Variants in PXDNL observed in about 807,000 individuals in gnomAD.
The protein encoded by PXDNL is peroxidasin like, also known as probable oxidoreductase PXDNL.
PXDNL carries 145 observed loss-of-function variants against 150.8 expected under a neutral mutation model. The observed-to-expected ratio is 0.96, with a 90% confidence interval of 0.84 to 1.10. The LOEUF is 1.10. PXDNL is among the 50% of genes least tolerant of loss of function. PXDNL has a pLI of 0.00. For synonymous variants in PXDNL, 757 were observed against 725.7 expected (o/e 1.04, Z -0.69); for missense variants, 2,087 against 1,873.9 (o/e 1.11, Z -2.10).
chr8:51,439,824 CAA>C (rs36102488), intron 12 of PXDNL, among the ~76,000 whole-genome samples: 11 of 101,552 alleles, frequency 1.1e-4, no homozygotes, highest in African/African-American at 3.6e-4. Flanking sequence ...GACTCCATCT[CAA>C]AAAAAAAAAA....
At chr8:51,641,285 C>T (rs376689408) in intron 2 of PXDNL, among the ~76,000 whole-genome samples, 7 of 151,376 alleles carry the variant, frequency 4.6e-5, no homozygotes, top group South Asian at 4.2e-4. Flanking sequence ...ATTCAGGACA[C>T]AGGCATGGGC....
intron 3 of PXDNL, among the ~76,000 whole-genome samples, chr8:51,574,463 T>C (rs1350587037): frequency 6.7e-6 from 1 of 149,706 alleles, no homozygotes; most frequent in African/African-American, 2.5e-5. Context: ...TTCAACACAG[T>C]CCTAGGAAGA....
At chr8:51,645,807 ATGT>A (rs1429340280) in intron 2 of PXDNL, among the ~76,000 whole-genome samples, 3 of 152,156 alleles carry the variant, frequency 2.0e-5, no homozygotes, top group African/African-American at 7.2e-5. Flanking sequence ...CAGGCCTCAG[ATGT>A]TGTGCAGACA....
At chr8:51,640,165 A>G (rs1563492049) in intron 2 of PXDNL, among the ~76,000 whole-genome samples, 1 of 152,216 alleles carries the variant, frequency 6.6e-6, no homozygotes, top group Non-Finnish European at 1.5e-5. Flanking sequence ...CCTTCATGCT[A>G]AAAACTCTCA....
At position 51,809,386 on chromosome 8, in the gene PXDNL, G is replaced by T; in HGVS notation, c.-42C>A. Reference sequence around the variant, plus strand: ...GGCCACGCGAAGAAGCAGCCGGAGGGAGAGCAGCAGCTGCAGCTGCAGCAG... The same window carrying T: ...GGCCACGCGAAGAAGCAGCCGGAGGTAGAGCAGCAGCTGCAGCTGCAGCAG... On this transcript the variant is annotated 5_prime_UTR_variant, in exon 1 of 23. Coordinates refer to ENST00000356297, the MANE Select transcript of PXDNL (RefSeq NM_144651.5). The T allele has an allele frequency of 6.7e-7, 1 of 1,491,734 alleles. No homozygotes were observed. The highest frequency in any genetic ancestry group is 8.9e-7 in the Non-Finnish European group (1 of 1,121,718). 92.4% of individuals were successfully genotyped at this position (1,491,734 alleles called of 1,614,324 possible). A position where few individuals can be genotyped will look rare whatever the true frequency, so the allele number is the denominator to read the frequency against.
At chr8:51,487,040 GC>G (rs1810782416) in intron 5 of PXDNL, among the ~76,000 whole-genome samples, 1 of 151,382 alleles carries the variant, frequency 6.6e-6, no homozygotes, top group Non-Finnish European at 1.5e-5. Flanking sequence ...TGATCGGCCC[GC>G]CCCGGCTTCC....
intron 2 of PXDNL, among the ~76,000 whole-genome samples, chr8:51,598,218 T>A (rs1030340213): frequency 6.6e-6 from 1 of 152,174 alleles, no homozygotes; most frequent in Non-Finnish European, 1.5e-5. Flanking sequence ...TTTTGATGCC[T>A]TTTATTTCTT....
intron 3 of PXDNL, among the ~76,000 whole-genome samples, chr8:51,575,420 T>C (rs976682616): frequency 6.6e-6 from 1 of 150,636 alleles, no homozygotes; most frequent in Admixed American, 6.6e-5. Flanking sequence ...TAAATAAAAA[T>C]AGTCTAAACA....
In PXDNL at chr8:51,543,684, C is replaced by T. The variant is rs143138586; in HGVS notation, c.380+13156G>A. 4.8e-5 allele frequency among the ~76,000 whole-genome samples: 7 copies of T among 145,168 alleles called. No individual in the cohort carries two copies. The South Asian group carries it at 1.1e-3, about 23-fold the overall frequency. On this transcript the variant is annotated intron_variant, in intron 4 of 22. Transcript: ENST00000356297. ...TCGAGATCACGCCATTGCACTCCAGCCTGGTGACAGAGCGAGACTCCATAT... is the reference window on the plus strand; with the variant it reads ...TCGAGATCACGCCATTGCACTCCAGTCTGGTGACAGAGCGAGACTCCATAT...
chr8:51,640,352 A>G (rs1300023014), intron 2 of PXDNL, among the ~76,000 whole-genome samples: 1 of 152,204 alleles, frequency 6.6e-6, no homozygotes, highest in Non-Finnish European at 1.5e-5. Flanking sequence ...AGTTCTGGCC[A>G]GGGCAATTAG....
intron 19 of PXDNL, among the ~76,000 whole-genome samples, chr8:51,348,174 T>C (rs1392027542): frequency 2.0e-5 from 3 of 152,230 alleles, no homozygotes; most frequent in Non-Finnish European, 4.4e-5. Flanking sequence ...TTCTTTTCAA[T>C]TCTCATATAA....
At chr8:51,428,813 A>G (rs1000812104) in intron 12 of PXDNL, among the ~76,000 whole-genome samples, 1 of 151,696 alleles carries the variant, frequency 6.6e-6, no homozygotes, top group Admixed American at 6.5e-5. Flanking sequence ...TGCATAAAAA[A>G]TTGATCTATT....
At chr8:51,559,425 A>G (rs1812674217) in intron 3 of PXDNL, among the ~76,000 whole-genome samples, 1 of 145,274 alleles carries the variant, frequency 6.9e-6, no homozygotes, top group Admixed American at 7.6e-5. Flanking sequence ...CCCGTTTCCC[A>G]TAGGATAATG....
chr8:51,377,923 T>G (rs1357025780), intron 17 of PXDNL, among the ~76,000 whole-genome samples: 1 of 152,206 alleles, frequency 6.6e-6, no homozygotes, highest in Non-Finnish European at 1.5e-5. Flanking sequence ...AGCAGGGGAC[T>G]GGCAGGCAGC....
At chr8:51,768,190 T>A (rs1395783872) in intron 1 of PXDNL, among the ~76,000 whole-genome samples, 1 of 152,194 alleles carries the variant, frequency 6.6e-6, no homozygotes, top group Non-Finnish European at 1.5e-5. Context: ...TTCCTTCAAC[T>A]GTTGAAAACC....
intron 2 of PXDNL, among the ~76,000 whole-genome samples, chr8:51,650,101 C>A (rs200766814): frequency 0.011 from 1,194 of 113,054 alleles, no homozygotes; most frequent in Middle Eastern, 0.014. Flanking sequence ...GACTTTGTCT[C>A]AAAAAAAAAA....
At chr8:51,635,537 A>G (rs1814587899) in intron 2 of PXDNL, among the ~76,000 whole-genome samples, 1 of 152,114 alleles carries the variant, frequency 6.6e-6, no homozygotes, top group Admixed American at 6.6e-5. Context: ...TACTGACTTT[A>G]TTAAAAGAGA....
chr8:51,770,763 A>C (rs998573527), intron 1 of PXDNL, among the ~76,000 whole-genome samples: 1 of 152,206 alleles, frequency 6.6e-6, no homozygotes, highest in Non-Finnish European at 1.5e-5. Flanking sequence ...GAACATGTTA[A>C]AGTTGGGAGA....
At chr8:51,531,543 G>C (rs977134982) in intron 4 of PXDNL, among the ~76,000 whole-genome samples, 10 of 152,154 alleles carry the variant, frequency 6.6e-5, no homozygotes, top group Non-Finnish European at 8.8e-5. Context: ...CCGGTCCCCA[G>C]GGAGAAGGTA....
Sources: gnomAD v4.1 joint callset for allele counts (sites outside exome capture counted in the v4.1 genomes callset) on GRCh38, gnomAD v4.1.1 for gene constraint, MANE v1.5 for transcripts, NCBI Gene and HGNC (gene_info 2026-07-23, HGNC 2026-07-21) for gene names.